NDUFS5: variants seen among roughly 807,000 people sequenced by gnomAD.
NDUFS5 encodes the protein NADH dehydrogenase [ubiquinone] iron-sulfur protein 5.
Under a neutral mutation model 10.5 loss-of-function variants are expected in NDUFS5, and 7 were observed. That is an observed-to-expected ratio of 0.66 (90% CI 0.38 to 1.25). The LOEUF is 1.25. Ranked by LOEUF, NDUFS5 falls within the 50% of genes most tolerant of loss-of-function variation. The probability of loss-of-function intolerance (pLI) is 0.02; values close to 1 mark genes in which losing one functional copy is unlikely to be tolerated. For synonymous variants in NDUFS5, 38 were observed against 44.0 expected (o/e 0.86, Z 0.54); for missense variants, 148 against 140.7 (o/e 1.05, Z -0.26).
chr1:39,032,499 T>A (rs544788466), intron 2 of NDUFS5, among the ~76,000 whole-genome samples: 1 of 152,156 alleles, frequency 6.6e-6, no homozygotes, highest in Non-Finnish European at 1.5e-5. Context: ...GACGTTTAAC[T>A]GAATATACTA....
chr1:39,030,319 C>T (rs535570272), intron 2 of NDUFS5, among the ~76,000 whole-genome samples: 21 of 150,382 alleles, frequency 1.4e-4, no homozygotes, highest in African/African-American at 3.9e-4. Flanking sequence ...GCAAGAGAAT[C>T]GCCTGAAACT....
At chr1:39,028,172 C>G (rs1644165569) in intron 1 of NDUFS5, among the ~76,000 whole-genome samples, 2 of 149,622 alleles carry the variant, frequency 1.3e-5, no homozygotes, top group Non-Finnish European at 3.0e-5. Flanking sequence ...TGGCTCACAC[C>G]TGTAATCCCA....
chr1:39,029,845 G>C (rs1038762644), intron 2 of NDUFS5, among the ~76,000 whole-genome samples: 8 of 152,004 alleles, frequency 5.3e-5, no homozygotes, highest in Admixed American at 1.3e-4. Context: ...GTAATCCCAG[G>C]ACTTTGGGAG....
At chr1:39,029,420 C>A (rs1441702990) in intron 2 of NDUFS5, among the ~76,000 whole-genome samples, 3 of 152,150 alleles carry the variant, frequency 2.0e-5, no homozygotes, top group Non-Finnish European at 4.4e-5. Context: ...AATTAAATGC[C>A]TTCAGATATG....
At chr1:39,029,061 C>T (rs915674897) in intron 2 of NDUFS5, 121 bp downstream of exon 2, 48 of 873,668 alleles carry the variant, frequency 5.5e-5, no homozygotes, top group South Asian at 3.2e-4. Context: ...GGCGCCACCT[C>T]GTCTCACTGT....
At position 39,030,379 on chromosome 1, in the gene NDUFS5, T is replaced by A. The variant is rs1416904236; in HGVS notation, c.216+1439T>A. On this transcript the variant is annotated intron_variant, in intron 2 of 2. Coordinates refer to ENST00000372969, the MANE Select transcript of NDUFS5 (RefSeq NM_004552.3). Reference sequence around the variant, plus strand: ...GAGAACACACCACTGCACTCCAGCCTGGGCGACAGAGCGAGACTCCGTCTC... The same window carrying A: ...GAGAACACACCACTGCACTCCAGCCAGGGCGACAGAGCGAGACTCCGTCTC... Among the ~76,000 whole-genome samples the A allele has an allele frequency of 2.7e-5, 4 of 145,476 alleles. No individual in the cohort carries two copies. In the East Asian group the frequency reaches 8.0e-4, roughly 29 times the overall value.
rs1157143413 is a variant in NDUFS5, at chr1:39,029,085, CA to C, written c.216+146del. ...TCGTCTCACTGTAGCCTCTGCCTCC[CA>C]GGTTCAGGCGATTCGCGTACCTCAG... On this transcript the variant is annotated intron_variant, in intron 2 of 2. Transcript: ENST00000372969. 6.9e-6 allele frequency: 5 copies of C among 728,226 alleles called. No homozygotes were observed. The Admixed American group carries it at 1.5e-4, about 22-fold the overall frequency. The allele number at this position is 728,226 out of a possible 1,614,324, so 45.1% of individuals were successfully genotyped here.
intron 1 of NDUFS5, 28 bp from the exon 2 acceptor site, chr1:39,028,695 A>G (rs762956382): frequency 2.5e-6 from 4 of 1,599,552 alleles, no homozygotes; most frequent in African/African-American, 1.3e-5. Context: ...TATTTTATTT[A>G]CTTATTTTTT....
intron 2 of NDUFS5, among the ~76,000 whole-genome samples, chr1:39,033,031 T>C (rs1470784499): frequency 6.6e-6 from 1 of 152,196 alleles, no homozygotes; most frequent in East Asian, 1.9e-4. Flanking sequence ...AAATTTTCTG[T>C]GTCACAGAAT....
intron 2 of NDUFS5, 149 bp downstream of exon 2, chr1:39,029,089 T>C: frequency 1.4e-6 from 1 of 693,464 alleles, no homozygotes. Context: ...GCCTCCCAGG[T>C]TCAGGCGATT....
Position 39,034,405 on chromosome 1 carries a change from G to C in NDUFS5, c.230G>C (p.Gly77Ala). ...TTCCTTTGACAGATGAGACGTGCAG[G>C]TACCATCAGGAAGCAGCGGGATAAG... ...LLRQKTMRRA[G>A]TIRKQRDKLI... The change falls in exon 3 of 3, where the codon GGT becomes GCT. Residue 77 changes from glycine (G) to alanine (A), a missense_variant. By Grantham distance (60) the Gly-to-Ala change is moderately conservative. Coordinates refer to ENST00000372969, the MANE Select transcript of NDUFS5 (RefSeq NM_004552.3). 1 of 1,613,196 alleles carries C rather than the reference G, an allele frequency of 6.2e-7. No homozygotes were observed. The highest frequency in any genetic ancestry group is 8.5e-7 in the Non-Finnish European group (1 of 1,179,446).
chr1:39,030,582 C>A (rs1191913916), intron 2 of NDUFS5, among the ~76,000 whole-genome samples: 4 of 151,294 alleles, frequency 2.6e-5, no homozygotes, highest in Non-Finnish European at 4.4e-5. Flanking sequence ...TGGCTGGCGC[C>A]TATAGTCCCA....
chr1:39,029,559 C>G (rs1389881305), intron 2 of NDUFS5, among the ~76,000 whole-genome samples: 1 of 152,142 alleles, frequency 6.6e-6, no homozygotes, highest in African/African-American at 2.4e-5. Context: ...GGCTGTGAAG[C>G]AGAGAATATC....
Position 39,033,504 on chromosome 1 carries a change from C to T in NDUFS5, c.217-888C>T, listed in dbSNP as rs1246022054. 4.1e-5 allele frequency among the ~76,000 whole-genome samples: 6 copies of T among 144,628 alleles called. No individual in the cohort carries two copies. The South Asian group carries it at 1.2e-3, about 30-fold the overall frequency. 94.9% of individuals were successfully genotyped at this position (144,628 alleles called of 152,430 possible). The stretch of plus-strand genomic sequence containing the variant: ...AGGAGAATGGCGCGAACCCAGGAGG[C>T]GGAGGTTGCAGTGAGCTGAGATCGT... On this transcript the variant is annotated intron_variant, in intron 2 of 2. Coordinates refer to ENST00000372969, the MANE Select transcript of NDUFS5 (RefSeq NM_004552.3).
Position 39,029,014 on chromosome 1 carries a change from CGA to C in NDUFS5, c.216+75_216+76del, listed in dbSNP as rs1033658716. 5 of 1,353,450 alleles carry C rather than the reference CGA, an allele frequency of 3.7e-6. No homozygotes were observed. In the Admixed American group the frequency reaches 1.1e-4, roughly 30 times the overall value. 83.8% of individuals were successfully genotyped at this position (1,353,450 alleles called of 1,614,324 possible). A position where few individuals can be genotyped will look rare whatever the true frequency, so the allele number is the denominator to read the frequency against. On this transcript the variant is annotated intron_variant, in intron 2 of 2. Coordinates refer to ENST00000372969, the MANE Select transcript of NDUFS5 (RefSeq NM_004552.3). ...GGACTCTTTTTTTTTTTTTTTGAGA[CGA>C]AGTCTCACTCTTGTCCCCTAGGCTG...
chr1:39,032,185 A>G (rs1644194451), intron 2 of NDUFS5, among the ~76,000 whole-genome samples: 1 of 152,140 alleles, frequency 6.6e-6, no homozygotes, highest in Admixed American at 6.6e-5. Flanking sequence ...CAAATGAACA[A>G]ACAAAATTTA....
intron 2 of NDUFS5, among the ~76,000 whole-genome samples, chr1:39,030,728 A>G (rs1644184875): frequency 6.6e-6 from 1 of 151,786 alleles, no homozygotes; most frequent in African/African-American, 2.4e-5. Context: ...TCAAGAAAAA[A>G]AAAAAAGAAA....
chr1:39,029,212 T>TG (rs959397036), intron 2 of NDUFS5, among the ~76,000 whole-genome samples: 11 of 152,056 alleles, frequency 7.2e-5, no homozygotes, highest in Non-Finnish European at 1.5e-4. Flanking sequence ...AGGCTGGTCT[T>TG]GAACTCCAGA....
intron 2 of NDUFS5, among the ~76,000 whole-genome samples, chr1:39,030,039 C>T (rs1348608376): frequency 1.3e-5 from 2 of 151,730 alleles, no homozygotes; most frequent in East Asian, 1.9e-4. Flanking sequence ...TGCATGGAGC[C>T]GAGATCGTGC....
Sources: gnomAD v4.1 joint callset for allele counts (sites outside exome capture counted in the v4.1 genomes callset) on GRCh38, gnomAD v4.1.1 for gene constraint, MANE v1.5 for transcripts, NCBI Gene and HGNC (gene_info 2026-07-23, HGNC 2026-07-21) for gene names.